Variants in ITGB3 observed in about 807,000 individuals in gnomAD.
ITGB3 encodes the protein integrin beta-3.
A neutral mutation model predicts 85.8 loss-of-function variants in ITGB3; 48 were observed. That is an observed-to-expected ratio of 0.56 (90% confidence interval 0.44 to 0.71). ITGB3 has a LOEUF of 0.71. Ranked by LOEUF, ITGB3 falls within the 30% of genes least tolerant of loss-of-function variation. The pLI, the probability that ITGB3 is intolerant of heterozygous loss-of-function variation, is 0.00. For synonymous variants in ITGB3, 363 were observed against 395.6 expected, an observed-to-expected ratio of 0.92 and a Z score of 0.98; for missense variants, 861 against 1,019.1, an observed-to-expected ratio of 0.84 and a Z score of 2.11.
intron 10 of ITGB3, among the ~76,000 whole-genome samples, chr17:47,296,556 A>G (rs190007372): frequency 6.6e-6 from 1 of 152,260 alleles, no homozygotes; most frequent in Non-Finnish European, 1.5e-5. Flanking sequence ...TAAGCAGGTG[A>G]GTTACATGAT....
intron 1 of ITGB3, among the ~76,000 whole-genome samples, chr17:47,256,663 G>C (rs775945054): frequency 3.3e-5 from 5 of 152,254 alleles, no homozygotes; most frequent in African/African-American, 4.8e-5. Flanking sequence ...CCAGAGTAGC[G>C]GAGTCTGCTT....
chr17:47,256,535 G>GT (rs955688976), intron 1 of ITGB3, among the ~76,000 whole-genome samples: 10 of 151,928 alleles, frequency 6.6e-5, no homozygotes, highest in African/African-American at 2.2e-4. Flanking sequence ...CCCAGTGTTG[G>GT]TGGTAGGGTC....
chr17:47,303,277 C>A lies in ITGB3; in HGVS notation c.2134+437C>A, dbSNP rs547808637. ...AAAAACAAACAAACAACAACAACAA[C>A]AAAAAAAAACGATAAGTTAGGGACC... On this transcript the variant is annotated intron_variant, in intron 13 of 14. Coordinates refer to ENST00000559488, the MANE Select transcript of ITGB3 (RefSeq NM_000212.3). Among the ~76,000 whole-genome samples, 232 of 148,754 alleles carry A rather than the reference C, an allele frequency of 1.6e-3. 2 individuals are homozygous for A. Among genetic ancestry groups the A allele is most frequent in the African/African-American group, 3.4e-3 (139 of 40,542 alleles).
intron 3 of ITGB3, among the ~76,000 whole-genome samples, chr17:47,283,947 CA>C (rs2065093497): frequency 2.0e-5 from 3 of 152,052 alleles, no homozygotes; most frequent in Admixed American, 2.0e-4. Context: ...GGAATTGGGA[CA>C]GGGGAATGGG....
intron 1 of ITGB3, among the ~76,000 whole-genome samples, chr17:47,262,766 C>T (rs1256235590): frequency 6.6e-6 from 1 of 152,152 alleles, no homozygotes; most frequent in Admixed American, 6.5e-5. Flanking sequence ...CCTTTCACGT[C>T]TGACCCTGAG....
intron 2 of ITGB3, among the ~76,000 whole-genome samples, chr17:47,282,857 A>G (rs914811569): frequency 6.6e-6 from 1 of 152,182 alleles, no homozygotes; most frequent in African/African-American, 2.4e-5. Flanking sequence ...CCCTTTGACT[A>G]TTTGTACACT....
At chr17:47,301,912 C>T (rs941053843) in intron 12 of ITGB3, among the ~76,000 whole-genome samples, 41 of 152,220 alleles carry the variant, frequency 2.7e-4, no homozygotes, top group African/African-American at 8.7e-4. Flanking sequence ...TATAATACCA[C>T]TGGTTTTCTG....
intron 1 of ITGB3, among the ~76,000 whole-genome samples, chr17:47,266,448 T>C (rs1008679901): frequency 3.9e-5 from 6 of 152,210 alleles, no homozygotes; most frequent in African/African-American, 1.4e-4. Context: ...GTTTCCTTTG[T>C]TCTTCCATTT....
intron 12 of ITGB3, among the ~76,000 whole-genome samples, 177 bp from the exon 13 acceptor site, chr17:47,302,544 G>C (rs1306981789): frequency 6.6e-6 from 1 of 152,232 alleles, no homozygotes; most frequent in Non-Finnish European, 1.5e-5. Flanking sequence ...ACATCAGTGA[G>C]TGTCAGTGAG....
At chr17:47,268,523 C>T (rs1217935927) in intron 1 of ITGB3, among the ~76,000 whole-genome samples, 5 of 152,182 alleles carry the variant, frequency 3.3e-5, no homozygotes, top group East Asian at 1.9e-4. Context: ...ACTGGCCCCA[C>T]GCAAGTCTGA....
intron 10 of ITGB3, 27 bp downstream of exon 10, chr17:47,292,595 C>G: frequency 6.3e-7 from 1 of 1,598,796 alleles, no homozygotes; most frequent in Admixed American, 1.7e-5. Context: ...GGCCCCCTGT[C>G]CTGGAACCCA....
Position 47,299,349 on chromosome 17 carries a change from G to C in ITGB3, c.1732G>C (p.Asp578His), listed in dbSNP as rs141912699. Reference sequence around the variant, plus strand: ...CTGTGGGGACTGCCTGTGTGACTCCGACTGGACCGGCTACTACTGCAACTG... The same window carrying C: ...CTGTGGGGACTGCCTGTGTGACTCCCACTGGACCGGCTACTACTGCAACTG... ...CSCGDCLCDS[D>H]WTGYYCNCTT... is the part of the protein sequence containing the mutation. Residue 578 changes from aspartate (D) to histidine (H), a missense_variant, in exon 11 of 15, where the codon GAC becomes CAC. Asp to His is a moderately conservative substitution (Grantham distance 81). Transcript: ENST00000559488. This position sits in a 1 kb window ranked among gnomAD's most constrained non-coding sequence, Gnocchi z 5.1. 28 of 1,614,026 alleles carry C rather than the reference G, an allele frequency of 1.7e-5. No individual in the cohort carries two copies. In the African/African-American group the frequency reaches 3.2e-4, roughly 18 times the overall value.
chr17:47,269,717 C>T (rs183636121), intron 1 of ITGB3, among the ~76,000 whole-genome samples: 304 of 152,332 alleles, frequency 2.0e-3, no homozygotes, highest in African/African-American at 7.2e-3. Context: ...CCCACATTTT[C>T]CTGTCTTCTT....
chr17:47,282,177 G>C (rs2143087212), intron 2 of ITGB3, among the ~76,000 whole-genome samples: 1 of 152,168 alleles, frequency 6.6e-6, no homozygotes, highest in East Asian at 1.9e-4. Flanking sequence ...TCGAACTCCT[G>C]ACCTCAGGTG....
intron 2 of ITGB3, chr17:47,279,395 A>C (rs1331943004): frequency 6.6e-6 from 1 of 152,210 alleles, no homozygotes; most frequent in Non-Finnish European, 1.5e-5. Flanking sequence ...ATGTTGCCCA[A>C]GTATGTTGAG....
chr17:47,270,555 C>G lies in ITGB3; in HGVS notation c.80-3864C>G, dbSNP rs192550131. Among the ~76,000 whole-genome samples the G allele has an allele frequency of 2.0e-3, 298 of 152,336 alleles. 1 individual carries two copies. In the South Asian group the frequency reaches 0.034, roughly 17 times the overall value. ...AATTCTGAAACTAGCAGCCACTTTT[C>G]TTTCATTATAGACATTGCATGGCTC... On this transcript the variant is annotated intron_variant, in intron 1 of 14. Coordinates refer to ENST00000559488, the MANE Select transcript of ITGB3 (RefSeq NM_000212.3).
At chr17:47,263,387 A>G (rs2065014976) in intron 1 of ITGB3, among the ~76,000 whole-genome samples, 1 of 152,060 alleles carries the variant, frequency 6.6e-6, no homozygotes, top group Non-Finnish European at 1.5e-5. Context: ...TCCCATTAAC[A>G]TCATCTTGAA....
Position 47,310,583 on chromosome 17 carries a change from T to C in ITGB3, c.*379T>C. 1 of 352,950 alleles carries C rather than the reference T, an allele frequency of 2.8e-6. No individual in the cohort carries two copies. Among genetic ancestry groups the C allele is most frequent in the South Asian group, 2.4e-5 (1 of 41,794 alleles). The allele number at this position is 352,950 out of a possible 1,614,324, so 21.9% of individuals were successfully genotyped here. A position where few individuals can be genotyped will look rare whatever the true frequency, so the allele number is the denominator to read the frequency against. ...GCTTTCCTCATCAGGCCATTGTCCC[T>C]GAAGAGAAGGGCAGGGCTGAGGCCT... On this transcript the variant is annotated 3_prime_UTR_variant, in exon 15 of 15. Transcript: ENST00000559488.
At chr17:47,263,939 A>T (rs1329983286) in intron 1 of ITGB3, among the ~76,000 whole-genome samples, 1 of 152,224 alleles carries the variant, frequency 6.6e-6, no homozygotes, top group East Asian at 1.9e-4. Flanking sequence ...CTGAAAAGGA[A>T]TTGGGAGGAA....
Sources: allele counts gnomAD v4.1 joint callset (sites outside exome capture counted in the v4.1 genomes callset), GRCh38; gene constraint gnomAD v4.1.1; non-coding constraint Gnocchi (gnomAD v3.1); transcripts MANE v1.5; gene names NCBI Gene and HGNC (gene_info 2026-07-23, HGNC 2026-07-21).